The following PHF24 variants were observed in gnomAD, a reference collection of about 807,000 sequenced individuals.
The protein encoded by PHF24 is Galpha inhibitory interacting protein.
PHF24 carries 25 observed loss-of-function variants against 42.6 expected under a neutral mutation model. The observed-to-expected ratio is 0.59, with a 90% confidence interval of 0.43 to 0.82. The LOEUF is 0.82. Ranked by LOEUF, PHF24 falls within the 40% of genes least tolerant of loss-of-function variation. The pLI, the probability that PHF24 is intolerant of heterozygous loss-of-function variation, is 0.00. For missense variants in PHF24, 470 were observed against 538.1 expected, an observed-to-expected ratio of 0.87 and a Z score of 1.25; for synonymous variants, 185 against 204.8, an observed-to-expected ratio of 0.90 and a Z score of 0.83.
intron 1 of PHF24, among the ~76,000 whole-genome samples, chr9:34,962,605 G>A (rs1317803732): frequency 6.6e-6 from 1 of 152,182 alleles, no homozygotes; most frequent in African/African-American, 2.4e-5. Context: ...GAAGTAAATG[G>A]TGATAATTAA....
At chr9:34,772,680 T>C in the PHF24 span, among the ~76,000 whole-genome samples, 1 of 152,174 alleles carries the variant, frequency 6.6e-6, no homozygotes, top group Admixed American at 6.5e-5. Context: ...CTCACTGAAC[T>C]AAATGTAGTA....
the PHF24 span, among the ~76,000 whole-genome samples, chr9:34,820,344 C>T: frequency 2.0e-4 from 30 of 151,890 alleles, no homozygotes; most frequent in African/African-American, 4.8e-4. Context: ...AGGTAATAAA[C>T]GTAGTACTGA....
chr9:34,847,371 A>G, the PHF24 span, among the ~76,000 whole-genome samples: 2 of 152,184 alleles, frequency 1.3e-5, no homozygotes, highest in Non-Finnish European at 2.9e-5. Context: ...AGTTGTGAAC[A>G]GGAGTTCACT....
chr9:34,976,345 AGTCCTT>A (rs1827184111), intron 4 of PHF24, 115 bp downstream of exon 4: 10 of 1,036,370 alleles, frequency 9.6e-6, no homozygotes, highest in Non-Finnish European at 1.5e-5. Context: ...AGGGTAAATG[AGTCCTT>A]GTTCCTGAGT....
chr9:34,907,341 A>G, the PHF24 span, among the ~76,000 whole-genome samples: 266 of 152,338 alleles, frequency 1.7e-3, no homozygotes, highest in African/African-American at 6.1e-3. Context: ...GAAAAAGGAT[A>G]TGTAAATTTC....
chr9:34,922,426 T>C, the PHF24 span: 2 of 1,360,982 alleles, frequency 1.5e-6, no homozygotes, highest in Non-Finnish European at 2.1e-6. Flanking sequence ...CCCAGTCTGA[T>C]AGGATATGTT....
At chr9:34,665,802 T>C in the PHF24 span, 1 of 634,160 alleles carries the variant, frequency 1.6e-6, no homozygotes, top group Non-Finnish European at 2.8e-6. Flanking sequence ...GAAGCCTCAG[T>C]TGCCACCACG....
At chr9:34,730,639 C>T in the PHF24 span, among the ~76,000 whole-genome samples, 1 of 152,234 alleles carries the variant, frequency 6.6e-6, no homozygotes, top group African/African-American at 2.4e-5. Context: ...CAAGAGCCAA[C>T]AATCACTACA....
At chr9:34,728,000 A>G in the PHF24 span, 2 of 1,549,716 alleles carry the variant, frequency 1.3e-6, no homozygotes, top group African/African-American at 2.7e-5. Context: ...TTGTTGATAG[A>G]GTGCAAAGAG....
the PHF24 span, among the ~76,000 whole-genome samples, chr9:34,716,386 G>A: frequency 1.3e-5 from 2 of 152,282 alleles, no homozygotes; most frequent in South Asian, 2.1e-4. Context: ...AGAAACAGGC[G>A]TATCTTAGAT....
chr9:34,678,925 C>T, the PHF24 span, among the ~76,000 whole-genome samples: 7 of 152,346 alleles, frequency 4.6e-5, no homozygotes, highest in South Asian at 2.1e-4. Flanking sequence ...CCATCACACC[C>T]GGCCCCTTTA....
the PHF24 span, among the ~76,000 whole-genome samples, chr9:34,717,116 C>T: frequency 1.6e-4 from 24 of 152,270 alleles, no homozygotes; most frequent in African/African-American, 5.8e-4. Flanking sequence ...CTATCTCAAA[C>T]TTATTTGGCC....
chr9:34,675,493 G>A, the PHF24 span, among the ~76,000 whole-genome samples: 3 of 152,212 alleles, frequency 2.0e-5, no homozygotes, highest in East Asian at 5.8e-4. Context: ...ATTCATGTCT[G>A]GAGGGTCTCA....
At chr9:34,911,235 GTTTTC>G in the PHF24 span, among the ~76,000 whole-genome samples, 125 of 151,816 alleles carry the variant, frequency 8.2e-4, no homozygotes, top group African/African-American at 2.6e-3. Context: ...TATTTATAGG[GTTTTC>G]TTTTCTTTTC....
the PHF24 span, among the ~76,000 whole-genome samples, chr9:34,743,391 G>A: frequency 6.6e-6 from 1 of 152,314 alleles, no homozygotes; most frequent in East Asian, 1.9e-4. Context: ...CCCCTCTAGA[G>A]CGTCTTCTTC....
chr9:34,762,871 G>T, the PHF24 span, among the ~76,000 whole-genome samples: 172 of 151,918 alleles, frequency 1.1e-3, no homozygotes, highest in African/African-American at 3.8e-3. Flanking sequence ...AATTAATTTT[G>T]GTATAAGGTG....
At chr9:34,794,910 T>C in the PHF24 span, among the ~76,000 whole-genome samples, 2 of 152,104 alleles carry the variant, frequency 1.3e-5, no homozygotes, top group Non-Finnish European at 2.9e-5. Context: ...ATAAAAATAC[T>C]TGAAGAAACA....
the PHF24 span, among the ~76,000 whole-genome samples, chr9:34,873,382 TA>T: frequency 1.3e-5 from 2 of 152,158 alleles, no homozygotes; most frequent in African/African-American, 2.4e-5. Flanking sequence ...AATTTTTGTA[TA>T]AGGTGTAAGG....
At chr9:34,916,352 C>G in the PHF24 span, among the ~76,000 whole-genome samples, 1 of 152,168 alleles carries the variant, frequency 6.6e-6, no homozygotes, top group Non-Finnish European at 1.5e-5. Flanking sequence ...GCCCTGGCAA[C>G]AGTAATTCAT....
Sources: allele counts gnomAD v4.1 joint callset (sites outside exome capture counted in the v4.1 genomes callset), GRCh38; gene constraint gnomAD v4.1.1; transcripts MANE v1.5; gene names NCBI Gene and HGNC (gene_info 2026-07-23, HGNC 2026-07-21).